The following HECTD4 variants were observed in gnomAD, a reference collection of about 807,000 sequenced individuals.
The protein encoded by HECTD4 is HECT domain E3 ubiquitin protein ligase 4.
A neutral mutation model predicts 471.5 loss-of-function variants in HECTD4; 114 were observed. The observed-to-expected ratio is 0.24, with a 90% CI of 0.21 to 0.28. The LOEUF is 0.28. HECTD4 is among the 10% of genes least tolerant of loss of function. The probability of loss-of-function intolerance (pLI) is 1.00; values close to 1 mark genes in which losing one functional copy is unlikely to be tolerated. For synonymous variants in HECTD4, 2,012 were observed against 2,256.0 expected (o/e 0.89, Z 3.07); for missense variants, 3,866 against 5,651.5 (o/e 0.68, Z 10.13).
intron 1 of HECTD4, among the ~76,000 whole-genome samples, chr12:112,341,587 G>A (rs1350130640): frequency 6.6e-6 from 1 of 152,064 alleles, no homozygotes; most frequent in African/African-American, 2.4e-5. Context: ...CTCGTCTATC[G>A]CTTTACGGGT....
In HECTD4 at chr12:112,239,639, T is replaced by C. The variant is rs572088397; in HGVS notation, c.5105+242A>G. 1.3e-5 allele frequency among the ~76,000 whole-genome samples: 2 copies of C among 152,328 alleles called. No homozygotes were observed. Among genetic ancestry groups the C allele is most frequent in the Admixed American group, 6.5e-5 (1 of 15,302 alleles). On this transcript the variant is annotated intron_variant, in intron 33 of 75. Coordinates refer to ENST00000682272, the MANE Select transcript of HECTD4 (RefSeq NM_001388303.1). The surrounding 1 kb of genome is among the most constrained non-coding windows in gnomAD (Gnocchi z 4.9). ...GTAATTTCCTAGGGACCTTTTATTT[T>C]TCTTTGAACCTCTGTATCTTCACAA...
At chr12:112,327,606 A>T (rs1454603500) in intron 1 of HECTD4, among the ~76,000 whole-genome samples, 1 of 152,206 alleles carries the variant, frequency 6.6e-6, no homozygotes, top group Non-Finnish European at 1.5e-5. Context: ...CATTGTTCAT[A>T]CAGAAGAAAT....
At chr12:112,170,478 T>C (rs2031169746) in intron 68 of HECTD4, 26 bp from the exon 69 acceptor site, 1 of 1,612,152 alleles carries the variant, frequency 6.2e-7, no homozygotes, top group Non-Finnish European at 8.5e-7. Flanking sequence ...TGGGAGAGGC[T>C]TGGGTGGGGC....
At chr12:112,364,248 A>C (rs2036514776) in intron 1 of HECTD4, among the ~76,000 whole-genome samples, 1 of 151,666 alleles carries the variant, frequency 6.6e-6, no homozygotes, top group Non-Finnish European at 1.5e-5. Context: ...CTCTACAAAA[A>C]ATACAAAAAT....
chr12:112,283,985 G>A (rs1483939754), intron 7 of HECTD4, among the ~76,000 whole-genome samples: 1 of 140,760 alleles, frequency 7.1e-6, no homozygotes, highest in Admixed American at 7.3e-5. Context: ...TTTTCCACCT[G>A]GCTTTCTGTA....
chr12:112,183,486 A>T (rs2031748853), intron 61 of HECTD4, among the ~76,000 whole-genome samples: 1 of 152,216 alleles, frequency 6.6e-6, no homozygotes, highest in African/African-American at 2.4e-5. Context: ...TCTGTCACTA[A>T]ACCCCAGCCA....
At chr12:112,241,610 C>T (rs867818663) in intron 32 of HECTD4, among the ~76,000 whole-genome samples, 1 of 152,132 alleles carries the variant, frequency 6.6e-6, no homozygotes, top group Non-Finnish European at 1.5e-5. Flanking sequence ...CACAGGCATG[C>T]CCCACCACTA....
chr12:112,212,671 G>A lies in HECTD4; in HGVS notation c.7466-21C>T, dbSNP rs368060353. On this transcript the variant is annotated intron_variant, in intron 48 of 75. Coordinates refer to ENST00000682272, the MANE Select transcript of HECTD4 (RefSeq NM_001388303.1). ...GTCACCTATAGCAGAGAACGGGAAGGAAAACATATTTTCTCCCTTTTATTA... is the reference window on the plus strand; with the variant it reads ...GTCACCTATAGCAGAGAACGGGAAGAAAAACATATTTTCTCCCTTTTATTA... 9.9e-5 allele frequency: 155 copies of A among 1,572,090 alleles called. No homozygotes were observed. In the African/African-American group the frequency reaches 1.7e-3, roughly 17 times the overall value.
rs186100236 is a variant in HECTD4 at position 112,358,844 on chromosome 12, G to A, written c.177+23108C>T. Among the ~76,000 whole-genome samples the A allele has an allele frequency of 2.9e-3, 448 of 152,130 alleles. 2 individuals are homozygous for A. The highest frequency in any genetic ancestry group is 9.8e-3 in the African/African-American group (408 of 41,488). ...TCACTGTCAACATAGTAAGAAAGACGCTTACTCTCAACAAACACACATTCT... is the reference window on the plus strand; with the variant it reads ...TCACTGTCAACATAGTAAGAAAGACACTTACTCTCAACAAACACACATTCT... On this transcript the variant is annotated intron_variant, in intron 1 of 75. Transcript: ENST00000682272.
Position 112,228,238 on chromosome 12 carries a change from C to CAGTT in HECTD4, c.6701_6704dup (p.Ser2236ThrfsTer5), listed in dbSNP as rs1259604393. 6.2e-7 allele frequency: 1 copy of CAGTT among 1,607,078 alleles called. No homozygotes were observed. Among genetic ancestry groups the CAGTT allele is most frequent in the Admixed American group, 1.7e-5 (1 of 58,384 alleles). On this transcript the variant is annotated frameshift_variant, in exon 43 of 76. Transcript: ENST00000682272. LOFTEE classifies it high-confidence loss of function. The surrounding 1 kb of genome is among the most constrained non-coding windows in gnomAD (Gnocchi z 4.9). The stretch of plus-strand genomic sequence containing the variant: ...CCTGTACTACCTTCTCAGTAATGGA[C>CAGTT]AGTTTATGAAGAGGCAATGCCTGAT...
At chr12:112,202,167 T>C (rs1216465223) in intron 54 of HECTD4, among the ~76,000 whole-genome samples, 2 of 152,116 alleles carry the variant, frequency 1.3e-5, no homozygotes, top group African/African-American at 4.8e-5. Context: ...AAAAATCTAA[T>C]GAGTTAAATT....
rs1413262310 is a variant in HECTD4 at position 112,308,765 on chromosome 12, C to T, written c.1152G>A (p.Gln384=). The change falls in exon 6 of 76, where the codon CAG becomes CAA. Residue 384 remains glutamine (Q), a synonymous_variant. Transcript: ENST00000682272. ...KPHSLFQVID[Q]NTLQVCQVVP... The stretch of plus-strand genomic sequence containing the variant: ...GTTTTCTGTTTACCTGAAGGGTGTT[C>T]TGGTCAATGACCTGGAAAAGGGAGT... The T allele has an allele frequency of 6.5e-7, 1 of 1,535,486 alleles. No homozygotes were observed. Among genetic ancestry groups the T allele is most frequent in the Admixed American group, 2.0e-5 (1 of 50,866 alleles).
At chr12:112,342,196 C>T (rs1039086741) in intron 1 of HECTD4, among the ~76,000 whole-genome samples, 5 of 152,244 alleles carry the variant, frequency 3.3e-5, no homozygotes, top group African/African-American at 4.8e-5. Context: ...TGGCTCACAC[C>T]TGTAATCCTA....
intron 1 of HECTD4, among the ~76,000 whole-genome samples, chr12:112,344,882 C>T (rs1444825761): frequency 6.6e-6 from 1 of 152,056 alleles, no homozygotes; most frequent in Non-Finnish European, 1.5e-5. Flanking sequence ...CACGCCATTG[C>T]ACTCCAGCCT....
chr12:112,376,531 C>T (rs908961791), intron 1 of HECTD4, among the ~76,000 whole-genome samples: 8 of 152,160 alleles, frequency 5.3e-5, no homozygotes, highest in African/African-American at 1.9e-4. Context: ...CAGGCATGAG[C>T]CACCACGCCC....
intron 1 of HECTD4, among the ~76,000 whole-genome samples, chr12:112,342,086 C>T (rs929471309): frequency 1.3e-5 from 2 of 152,124 alleles, no homozygotes; most frequent in African/African-American, 4.8e-5. Context: ...CTAACTATTG[C>T]CATCTGACAT....
intron 32 of HECTD4, 64 bp from the exon 33 acceptor site, chr12:112,240,091 G>T: frequency 6.5e-7 from 1 of 1,531,552 alleles, no homozygotes; most frequent in Non-Finnish European, 8.9e-7. Context: ...CTGAGCAGGA[G>T]AGGCCTCTTG....
intron 18 of HECTD4, among the ~76,000 whole-genome samples, chr12:112,259,683 A>G (rs1236286064): frequency 1.3e-5 from 2 of 152,026 alleles, no homozygotes; most frequent in East Asian, 3.9e-4. Flanking sequence ...CTTAGGTTCT[A>G]GGTTCTAGGT....
At chr12:112,346,850 C>T (rs1308207319) in intron 1 of HECTD4, among the ~76,000 whole-genome samples, 3 of 152,138 alleles carry the variant, frequency 2.0e-5, no homozygotes, top group African/African-American at 7.2e-5. Context: ...TTTCACATTC[C>T]TAAATCAGAG....
Sources: gnomAD v4.1 joint callset for allele counts (sites outside exome capture counted in the v4.1 genomes callset) on GRCh38, gnomAD v4.1.1 for gene constraint, Gnocchi (gnomAD v3.1) non-coding constraint, MANE v1.5 for transcripts, NCBI Gene and HGNC (gene_info 2026-07-23, HGNC 2026-07-21) for gene names.